Variants in RBFOX1 observed in about 807,000 individuals in gnomAD.
RBFOX1 encodes RNA binding protein fox-1 homolog 1.
In RBFOX1, 8 loss-of-function variants were observed where a neutral mutation model predicts 57.7. The observed-to-expected ratio is 0.14, with a 90% CI of 0.08 to 0.25. The LOEUF is 0.25. Among genes scored for constraint, RBFOX1 ranks in the 10% least tolerant of loss-of-function variants. The probability of loss-of-function intolerance (pLI) is 1.00; values close to 1 mark genes in which losing one functional copy is unlikely to be tolerated. For missense variants in RBFOX1, 611 were observed against 548.5 expected (o/e 1.11, Z -1.14); for synonymous variants, 326 against 222.4 (o/e 1.47, Z -4.15).
Position 7,532,703 on chromosome 16 carries a change from G to A in RBFOX1, c.270+14314G>A, listed in dbSNP as rs182171517. Among the ~76,000 whole-genome samples, 85 of 152,272 alleles carry A rather than the reference G, an allele frequency of 5.6e-4. 1 individual carries two copies. Among genetic ancestry groups the A allele is most frequent in the African/African-American group, 2.0e-3 (82 of 41,546 alleles). ...AGCTCGTGGGCCGATTCCTGCCTGC[G>A]ATGTTTTTGTCAATAAAGTTTTATT... On this transcript the variant is annotated intron_variant, in intron 5 of 15. Transcript: ENST00000550418.
intron 2 of RBFOX1, among the ~76,000 whole-genome samples, chr16:6,501,713 C>A (rs926222349): frequency 6.6e-6 from 1 of 152,114 alleles, no homozygotes; most frequent in Admixed American, 6.5e-5. Flanking sequence ...TCACCCAGTC[C>A]ACTGACCTGT....
At chr16:5,659,303 CT>C (rs779525957) in intron 3 of RBFOX1, among the ~76,000 whole-genome samples, 4,443 of 128,886 alleles carry the variant, frequency 0.034, 143 homozygotes, top group African/African-American at 0.12. Flanking sequence ...ATTGGTATAT[CT>C]TTTTTTTTTT....
chr16:5,290,422 G>A (rs372171087), intron 1 of RBFOX1, among the ~76,000 whole-genome samples: 1 of 152,140 alleles, frequency 6.6e-6, no homozygotes, highest in Non-Finnish European at 1.5e-5. Context: ...TGGATACAGG[G>A]TTTCTTTTTG....
intron 4 of RBFOX1, among the ~76,000 whole-genome samples, chr16:7,077,161 C>G (rs952934611): frequency 3.9e-5 from 6 of 152,158 alleles, no homozygotes; most frequent in Non-Finnish European, 7.3e-5. Flanking sequence ...GGAATTATTC[C>G]TCTGAATAAG....
chr16:6,563,882 G>A (rs1000511077), intron 2 of RBFOX1, among the ~76,000 whole-genome samples: 1 of 151,752 alleles, frequency 6.6e-6, no homozygotes, highest in Non-Finnish European at 1.5e-5. Context: ...ATATGTATGT[G>A]TGTGTGTGTA....
intron 3 of RBFOX1, among the ~76,000 whole-genome samples, chr16:5,667,310 G>T (rs771313843): frequency 6.6e-6 from 1 of 152,200 alleles, no homozygotes; most frequent in Non-Finnish European, 1.5e-5. Context: ...ATACGTACAT[G>T]TAAGGCTATA....
chr16:7,706,117 C>G (rs540743218), intron 14 of RBFOX1, among the ~76,000 whole-genome samples: 2 of 152,154 alleles, frequency 1.3e-5, no homozygotes, highest in East Asian at 1.9e-4. Flanking sequence ...CTGCTGCAAA[C>G]GTAGCACTCA....
intron 1 of RBFOX1, among the ~76,000 whole-genome samples, chr16:6,174,519 C>G (rs747790283): frequency 6.6e-6 from 1 of 152,090 alleles, no homozygotes; most frequent in Non-Finnish European, 1.5e-5. Flanking sequence ...CGCTTGAACC[C>G]AGGAGGTGGA....
intron 4 of RBFOX1, among the ~76,000 whole-genome samples, chr16:7,194,769 A>C (rs888437818): frequency 2.9e-5 from 3 of 102,452 alleles, no homozygotes; most frequent in Non-Finnish European, 6.1e-5. Flanking sequence ...CTCTACAAAA[A>C]CTACAAAAAT....
chr16:6,808,564 G>C (rs892615978), intron 3 of RBFOX1, among the ~76,000 whole-genome samples: 1 of 152,050 alleles, frequency 6.6e-6, no homozygotes, highest in South Asian at 2.1e-4. Flanking sequence ...TTGTCTGATG[G>C]GGAATAACTG....
At chr16:6,819,400 G>T (rs2090820512) in intron 3 of RBFOX1, among the ~76,000 whole-genome samples, 1 of 152,112 alleles carries the variant, frequency 6.6e-6, no homozygotes, top group African/African-American at 2.4e-5. Flanking sequence ...AGTTTAAGTT[G>T]CAAAAGGTCA....
rs1352573395 is a variant in RBFOX1, at chr16:7,263,011, C to T, written c.27+210913C>T. 9.8e-5 allele frequency among the ~76,000 whole-genome samples: 15 copies of T among 152,294 alleles called. No homozygotes were observed. In the East Asian group the frequency reaches 2.7e-3, roughly 27 times the overall value. ...GAGGGTGATAGGAAAGGAGTTTGTGCAGACTTCTGCAGCCTCTGCAGGTGG... is the reference window on the plus strand; with the variant it reads ...GAGGGTGATAGGAAAGGAGTTTGTGTAGACTTCTGCAGCCTCTGCAGGTGG... On this transcript the variant is annotated intron_variant, in intron 4 of 15. Coordinates refer to ENST00000550418, the MANE Select transcript of RBFOX1 (RefSeq NM_018723.4).
chr16:7,657,676 A>C (rs1359809124), intron 12 of RBFOX1, among the ~76,000 whole-genome samples: 1 of 152,232 alleles, frequency 6.6e-6, no homozygotes, highest in Non-Finnish European at 1.5e-5. Flanking sequence ...CCTTCCATGC[A>C]GCTGAAGAAC....
At chr16:7,489,625 C>G (rs934290907) in intron 4 of RBFOX1, among the ~76,000 whole-genome samples, 2 of 152,182 alleles carry the variant, frequency 1.3e-5, no homozygotes, top group Admixed American at 6.5e-5. Flanking sequence ...AAGAAATCCT[C>G]CAACGTCAGT....
At chr16:6,394,887 A>C (rs2092758476) in intron 2 of RBFOX1, among the ~76,000 whole-genome samples, 1 of 152,198 alleles carries the variant, frequency 6.6e-6, no homozygotes, top group South Asian at 2.1e-4. Context: ...TATCGTGGTG[A>C]GAAAACTAGC....
At chr16:5,301,904 C>T (rs916931156) in intron 1 of RBFOX1, among the ~76,000 whole-genome samples, 1 of 152,078 alleles carries the variant, frequency 6.6e-6, no homozygotes, top group African/African-American at 2.4e-5. Flanking sequence ...AAGAAACCAG[C>T]TTTTGTTGAT....
chr16:5,874,131 G>T (rs961356281), intron 4 of RBFOX1, among the ~76,000 whole-genome samples: 1 of 152,214 alleles, frequency 6.6e-6, no homozygotes, highest in African/African-American at 2.4e-5. Flanking sequence ...ATGGCACTGA[G>T]TTTGGCAGTC....
At chr16:5,562,003 G>A (rs1293929201) in intron 2 of RBFOX1, among the ~76,000 whole-genome samples, 1 of 152,132 alleles carries the variant, frequency 6.6e-6, no homozygotes, top group Non-Finnish European at 1.5e-5. Flanking sequence ...TATGGTGCTA[G>A]AGGGTGTGAA....
intron 1 of RBFOX1, among the ~76,000 whole-genome samples, chr16:5,333,963 T>G (rs1440125034): frequency 6.6e-6 from 1 of 152,168 alleles, no homozygotes; most frequent in African/African-American, 2.4e-5. Flanking sequence ...TTGTAAGAGT[T>G]AAAGACAGAG....
Sources: gnomAD v4.1 joint callset for allele counts (sites outside exome capture counted in the v4.1 genomes callset) on GRCh38, gnomAD v4.1.1 for gene constraint, MANE v1.5 for transcripts, NCBI Gene and HGNC (gene_info 2026-07-23, HGNC 2026-07-21) for gene names.